The following SMAD2 variants were observed in gnomAD, a reference collection of about 807,000 sequenced individuals.
SMAD2 encodes SMAD family member 2.
Under a neutral mutation model 64.4 loss-of-function variants are expected in SMAD2, and 8 were observed. The ratio of observed to expected loss-of-function variants is 0.12; its 90% confidence interval spans 0.07 to 0.22. The LOEUF is 0.22. Among genes scored for constraint, SMAD2 ranks in the 10% least tolerant of loss-of-function variants. SMAD2 has a pLI of 1.00. For missense variants in SMAD2, 289 were observed against 561.2 expected (o/e 0.51, Z 4.90); for synonymous variants, 203 against 195.8 (o/e 1.04, Z -0.31).
At position 47,922,098 on chromosome 18, in the gene SMAD2, T is replaced by A. The variant is rs988272705; in HGVS notation, c.-54+8263A>T. Among the ~76,000 whole-genome samples, 5 of 152,182 alleles carry A rather than the reference T, an allele frequency of 3.3e-5. No individual in the cohort carries two copies. In the South Asian group the frequency reaches 1.0e-3, roughly 31 times the overall value. On this transcript the variant is annotated intron_variant, in intron 1 of 10. Coordinates refer to ENST00000262160, the MANE Select transcript of SMAD2 (RefSeq NM_005901.6). ...AAGTCAAGAACAGATAGTGATTAAA[T>A]GTAGAAAGCAAAAGTAGATTGCACT...
chr18:47,866,277 T>C (rs185324995), intron 5 of SMAD2, among the ~76,000 whole-genome samples: 65 of 138,828 alleles, frequency 4.7e-4, no homozygotes, highest in Non-Finnish European at 6.5e-4. Context: ...GATCACACCA[T>C]TGTACTCCAG....
At chr18:47,926,777 G>A (rs1450329230) in intron 1 of SMAD2, among the ~76,000 whole-genome samples, 2 of 152,112 alleles carry the variant, frequency 1.3e-5, no homozygotes, top group Non-Finnish European at 1.5e-5. Context: ...CAAATCATTT[G>A]GATTAGAAAG....
rs1221621660 is a variant in SMAD2, at chr18:47,816,639, C to T, written c.*25188G>A. On this transcript the variant is annotated 3_prime_UTR_variant, in exon 11 of 11. Coordinates refer to ENST00000262160, the MANE Select transcript of SMAD2 (RefSeq NM_005901.6). ...TGTCCAACTTCAGAGTGGCACCACC[C>T]TTGCTATTGATCTTTGTAACCAACG... 1 of 152,216 alleles carries T rather than the reference C, an allele frequency of 6.6e-6. No homozygotes were observed. Among genetic ancestry groups the T allele is most frequent in the Non-Finnish European group, 1.5e-5 (1 of 68,046 alleles). The allele number at this position is 152,216 out of a possible 1,614,324, so 9.4% of individuals were successfully genotyped here.
intron 6 of SMAD2, among the ~76,000 whole-genome samples, chr18:47,863,249 A>C (rs2144357082): frequency 6.6e-6 from 1 of 152,300 alleles, no homozygotes; most frequent in South Asian, 2.1e-4. Context: ...ATATTGGGTA[A>C]GAGGCTGGCA....
intron 1 of SMAD2, among the ~76,000 whole-genome samples, chr18:47,913,346 C>T (rs1466665010): frequency 1.3e-5 from 2 of 152,106 alleles, no homozygotes; most frequent in Non-Finnish European, 2.9e-5. Flanking sequence ...TAAGTTTAGG[C>T]CTATTCTGGG....
rs1026762075 is a variant in SMAD2, at chr18:47,829,149, G to A, written c.*12678C>T. The A allele has an allele frequency of 1.3e-5, 2 of 152,048 alleles. No individual in the cohort carries two copies. The highest frequency in any genetic ancestry group is 2.9e-5 in the Non-Finnish European group (2 of 68,016). 9.4% of individuals were successfully genotyped at this position (152,048 alleles called of 1,614,324 possible). ...GTTAAGGAGGCTTCCTAGAGAAGACGTGGCAATGCACCTGATGGAGACGTT... is the reference window on the plus strand; with the variant it reads ...GTTAAGGAGGCTTCCTAGAGAAGACATGGCAATGCACCTGATGGAGACGTT... On this transcript the variant is annotated 3_prime_UTR_variant, in exon 11 of 11. Coordinates refer to ENST00000262160, the MANE Select transcript of SMAD2 (RefSeq NM_005901.6).
At position 47,909,678 on chromosome 18, in the gene SMAD2, G is replaced by A. The variant is rs552665321; in HGVS notation, c.-53-12869C>T. 9.2e-5 allele frequency among the ~76,000 whole-genome samples: 14 copies of A among 152,176 alleles called. No individual in the cohort carries two copies. In the East Asian group the frequency reaches 1.2e-3, roughly 13 times the overall value. Reference sequence around the variant, plus strand: ...TCCTTGAAGGGAAAAGATAAACACCGGCTGCCACAACAAAAAGGCCAGGGC... The same window carrying A: ...TCCTTGAAGGGAAAAGATAAACACCAGCTGCCACAACAAAAAGGCCAGGGC... On this transcript the variant is annotated intron_variant, in intron 1 of 10. Transcript: ENST00000262160.
chr18:47,897,286 T>G (rs1460200949), intron 1 of SMAD2, among the ~76,000 whole-genome samples: 1 of 152,306 alleles, frequency 6.6e-6, no homozygotes, highest in South Asian at 2.1e-4. Flanking sequence ...ATGCGTAAAG[T>G]GTGAAGTAAT....
At chr18:47,925,818 G>A (rs2034739341) in intron 1 of SMAD2, among the ~76,000 whole-genome samples, 1 of 150,930 alleles carries the variant, frequency 6.6e-6, no homozygotes, top group Non-Finnish European at 1.5e-5. Context: ...TAACCCTGAG[G>A]TAAGGTTACA....
Position 47,848,703 on chromosome 18 carries a change from A to G in SMAD2, c.785-16T>C. The G allele has an allele frequency of 6.4e-7, 1 of 1,551,260 alleles. No individual in the cohort carries two copies. The highest frequency in any genetic ancestry group is 8.8e-7 in the Non-Finnish European group (1 of 1,130,612). On this transcript the variant is annotated splice_polypyrimidine_tract_variant and intron_variant, in intron 7 of 10. Coordinates refer to ENST00000262160, the MANE Select transcript of SMAD2 (RefSeq NM_005901.6). ...GGCTGTAAATCTGAAAAAGAAAAAA[A>G]TAAAAAAATAATAAAAGGAAGAAAT...
rs574823670 is a variant in SMAD2, at chr18:47,860,339, A to G, written c.730+4720T>C. Among the ~76,000 whole-genome samples the G allele has an allele frequency of 7.9e-5, 12 of 152,134 alleles. No individual in the cohort carries two copies. In the South Asian group the frequency reaches 1.9e-3, roughly 24 times the overall value. On this transcript the variant is annotated intron_variant, in intron 6 of 10. Transcript: ENST00000262160. ...CAGGCTGGAGTGCAGCGGCGCAAAC[A>G]TGGCTCAATGCAACCTCCACCTCCT...
chr18:47,856,309 T>C (rs79356931), intron 6 of SMAD2, among the ~76,000 whole-genome samples: 248 of 152,306 alleles, frequency 1.6e-3, no homozygotes, highest in African/African-American at 5.9e-3. Flanking sequence ...TTGTGTTGTA[T>C]ACTGGAAATT....
At chr18:47,910,129 C>T (rs1024641703) in intron 1 of SMAD2, among the ~76,000 whole-genome samples, 2 of 149,200 alleles carry the variant, frequency 1.3e-5, no homozygotes, top group Non-Finnish European at 3.0e-5. Context: ...ACAGCATTTA[C>T]ACCAGAGCCT....
At chr18:47,876,821 T>C (rs540292630) in intron 2 of SMAD2, among the ~76,000 whole-genome samples, 2 of 152,240 alleles carry the variant, frequency 1.3e-5, no homozygotes, top group East Asian at 1.9e-4. Context: ...CCTACATATA[T>C]ACACATCTAA....
In SMAD2 at chr18:47,845,730, A is replaced by G; in HGVS notation, c.1068T>C (p.Phe356=). ...TCTGATTACAATTGGGGCTCTGCAC[A>G]AAGATTGCACTATCACTTAGGCACT... is the stretch of plus-strand genomic sequence containing the variant. ...FAECLSDSAI[F]VQSPNCNQRY... The change falls in exon 9 of 11, where the codon TTT becomes TTC. Residue 356 remains phenylalanine (F), a synonymous_variant. Coordinates refer to ENST00000262160, the MANE Select transcript of SMAD2 (RefSeq NM_005901.6). 1 of 1,613,940 alleles carries G rather than the reference A, an allele frequency of 6.2e-7. No individual in the cohort carries two copies. Among genetic ancestry groups the G allele is most frequent in the Non-Finnish European group, 8.5e-7 (1 of 1,179,854 alleles).
intron 1 of SMAD2, among the ~76,000 whole-genome samples, chr18:47,906,310 G>A (rs898772323): frequency 3.9e-5 from 6 of 152,080 alleles, no homozygotes; most frequent in South Asian, 4.2e-4. Flanking sequence ...GAACCACTTC[G>A]GGTCCCAAGC....
intron 2 of SMAD2, among the ~76,000 whole-genome samples, chr18:47,893,479 A>G (rs902772759): frequency 6.6e-6 from 1 of 152,240 alleles, no homozygotes; most frequent in African/African-American, 2.4e-5. Context: ...TTTTTGGCTT[A>G]TAAAACCATA....
chr18:47,850,898 C>T (rs1477527533), intron 7 of SMAD2, among the ~76,000 whole-genome samples: 12 of 92,544 alleles, frequency 1.3e-4, no homozygotes, highest in South Asian at 1.1e-3. Context: ...CCCCATACTA[C>T]GTATACATGT....
rs1912651848 is a variant in SMAD2 at position 47,823,717 on chromosome 18, G to T, written c.*18110C>A. The stretch of plus-strand genomic sequence containing the variant: ...TTCCTAAGACATCAGAGCAAGAATT[G>T]TATTACAATTTGATTTATTCAATTG... On this transcript the variant is annotated 3_prime_UTR_variant, in exon 11 of 11. Transcript: ENST00000262160. The T allele has an allele frequency of 6.6e-6, 1 of 152,168 alleles. No individual in the cohort carries two copies. The highest frequency in any genetic ancestry group is 1.5e-5 in the Non-Finnish European group (1 of 68,036). 9.4% of individuals were successfully genotyped at this position (152,168 alleles called of 1,614,324 possible).
Sources: gnomAD v4.1 joint callset for allele counts (sites outside exome capture counted in the v4.1 genomes callset) on GRCh38, gnomAD v4.1.1 for gene constraint, MANE v1.5 for transcripts, NCBI Gene and HGNC (gene_info 2026-07-23, HGNC 2026-07-21) for gene names.